ZNF845: variants seen among roughly 807,000 people sequenced by gnomAD.
ZNF845 encodes zinc finger protein 845.
In ZNF845, 59 loss-of-function variants were observed where a neutral mutation model predicts 76.1. That is an observed-to-expected ratio of 0.78 (90% CI 0.63 to 0.96). The LOEUF (loss-of-function observed/expected upper bound fraction) is 0.96, where lower values mean the gene tolerates loss of function less well. ZNF845 is among the 40% of genes least tolerant of loss of function. The pLI, the probability that ZNF845 is intolerant of heterozygous loss-of-function variation, is 0.00. For missense variants in ZNF845, 1,045 were observed against 1,172.8 expected, an observed-to-expected ratio of 0.89 and a Z score of 1.59; for synonymous variants, 361 against 386.9, an observed-to-expected ratio of 0.93 and a Z score of 0.78.
intron 3 of ZNF845, among the ~76,000 whole-genome samples, chr19:53,345,997 C>T (rs762673056): frequency 3.0e-4 from 46 of 152,126 alleles, no homozygotes; most frequent in Non-Finnish European, 6.3e-4. Flanking sequence ...GTGCCAACCC[C>T]CATACCTAAT....
intron 3 of ZNF845, among the ~76,000 whole-genome samples, chr19:53,347,858 T>G (rs756705253): frequency 1.3e-5 from 2 of 152,078 alleles, no homozygotes; most frequent in Non-Finnish European, 2.9e-5. Flanking sequence ...TTGAAACCAG[T>G]CTGGCCAACA....
At chr19:53,337,195 C>G in intron 1 of ZNF845, 2 of 454,626 alleles carry the variant, frequency 4.4e-6, no homozygotes, top group Non-Finnish European at 8.8e-6. Flanking sequence ...AGGTTGCTGT[C>G]CCTGCTCTTA....
In ZNF845 at chr19:53,345,020, T is replaced by C. The variant is rs551588771; in HGVS notation, c.16-486T>C. On this transcript the variant is annotated intron_variant, in intron 2 of 3. Coordinates refer to ENST00000458035, the MANE Select transcript of ZNF845 (RefSeq NM_138374.3). Reference sequence around the variant, plus strand: ...CATACTGAGAGGGTATTGTGACCTCTTCAAAAGGTATAAGAAGGCCGGTGT... The same window carrying C: ...CATACTGAGAGGGTATTGTGACCTCCTCAAAAGGTATAAGAAGGCCGGTGT... 2.0e-5 allele frequency among the ~76,000 whole-genome samples: 3 copies of C among 152,232 alleles called. No homozygotes were observed. In the East Asian group the frequency reaches 5.8e-4, roughly 29 times the overall value.
intron 1 of ZNF845, among the ~76,000 whole-genome samples, chr19:53,335,765 G>A (rs1382822098): frequency 6.6e-6 from 1 of 152,086 alleles, no homozygotes; most frequent in African/African-American, 2.4e-5. Flanking sequence ...ACTGCATCCA[G>A]CTAATTTTGT....
At chr19:53,350,380 C>CA (rs1209027867) in intron 3 of ZNF845, among the ~76,000 whole-genome samples, 1 of 152,194 alleles carries the variant, frequency 6.6e-6, no homozygotes, top group Admixed American at 6.5e-5. Flanking sequence ...GTTATCCTTA[C>CA]ATGAGCTTGT....
rs1276232094 is a variant in ZNF845 at position 53,351,805 on chromosome 19, A to C, written c.1130A>C (p.His377Pro). Reference protein sequence around the residue: ...KSNLERHRKIHTGEKPYKCNE... With the variant: ...KSNLERHRKIPTGEKPYKCNE... ...AACCTTGAAAGACATAGGAAAATTC[A>C]TACTGGAGAGAAACCTTACAAGTGT... Residue 377 changes from histidine to proline, a missense_variant, in exon 4 of 4, where the codon CAT becomes CCT. By Grantham distance (77) the His-to-Pro change is moderately conservative. Coordinates refer to ENST00000458035, the MANE Select transcript of ZNF845 (RefSeq NM_138374.3). The C allele has an allele frequency of 6.2e-7, 1 of 1,613,854 alleles. No homozygotes were observed. The highest frequency in any genetic ancestry group is 1.3e-5 in the African/African-American group (1 of 74,842).
At position 53,353,661 on chromosome 19, in the gene ZNF845, GAA is replaced by G. The variant is rs1467231067; in HGVS notation, c.*75_*76del. ...AAGACAGGAGAATTCATACTGGAGAGAAAGCTTACAAATGTAAGAGTTTGTGA... is the reference window on the plus strand; with the variant it reads ...AAGACAGGAGAATTCATACTGGAGAGAGCTTACAAATGTAAGAGTTTGTGA... On this transcript the variant is annotated 3_prime_UTR_variant, in exon 4 of 4. Transcript: ENST00000458035. 1.3e-6 allele frequency: 2 copies of G among 1,519,304 alleles called. No individual in the cohort carries two copies. The highest frequency in any genetic ancestry group is 4.5e-5 in the Admixed American group (2 of 44,300). The allele number at this position is 1,519,304 out of a possible 1,614,324, so 94.1% of individuals were successfully genotyped here.
chr19:53,349,325 C>T (rs1159354649), intron 3 of ZNF845, among the ~76,000 whole-genome samples: 1 of 151,010 alleles, frequency 6.6e-6, no homozygotes, highest in African/African-American at 2.4e-5. Flanking sequence ...GACAGAGTGG[C>T]GCGATCTCGG....
chr19:53,338,768 C>T (rs563465642), intron 1 of ZNF845, among the ~76,000 whole-genome samples: 4 of 151,772 alleles, frequency 2.6e-5, no homozygotes, highest in East Asian at 3.9e-4. Context: ...GCTGGGGAGT[C>T]GAAGGTCAAG....
rs781338177 is a variant in ZNF845, at chr19:53,352,145, T to C, written c.1470T>C (p.Thr490=). The C allele has an allele frequency of 1.2e-6, 2 of 1,614,102 alleles. No homozygotes were observed. Among genetic ancestry groups the C allele is most frequent in the East Asian group, 4.5e-5 (2 of 44,866 alleles). ...SSLVYHRRLH[T]GEKPYKCEEC... is the part of the protein sequence containing the mutation. ...TTGTATACCATCGTAGACTTCATAC[T>C]GGAGAGAAACCTTACAAATGTGAAG... Residue 490 remains threonine (T), a synonymous_variant, in exon 4 of 4, where the codon ACT becomes ACC. Coordinates refer to ENST00000458035, the MANE Select transcript of ZNF845 (RefSeq NM_138374.3).
chr19:53,353,702 C>T lies in ZNF845; in HGVS notation c.*114C>T, dbSNP rs919840360. ...AAGAGTTTGTGACAAGAATCTTGGG[C>T]GTGATTCACACCTGGCCCAACAAAC... On this transcript the variant is annotated 3_prime_UTR_variant, in exon 4 of 4. Coordinates refer to ENST00000458035, the MANE Select transcript of ZNF845 (RefSeq NM_138374.3). The T allele has an allele frequency of 1.9e-5, 29 of 1,521,964 alleles. No individual in the cohort carries two copies. Among genetic ancestry groups the T allele is most frequent in the African/African-American group, 7.0e-5 (5 of 71,660 alleles). 94.3% of individuals were successfully genotyped at this position (1,521,964 alleles called of 1,614,324 possible).
intron 1 of ZNF845, among the ~76,000 whole-genome samples, chr19:53,334,091 A>AAAAT (rs1354041954): frequency 6.6e-6 from 1 of 152,046 alleles, no homozygotes; most frequent in Admixed American, 6.5e-5. Flanking sequence ...TAAAGTCCTT[A>AAAAT]CCGCGAGGCG....
chr19:53,352,452 A>G lies in ZNF845; in HGVS notation c.1777A>G (p.Thr593Ala). Residue 593 changes from threonine to alanine, a missense_variant, in exon 4 of 4, where the codon ACC becomes GCC. Coordinates refer to ENST00000458035, the MANE Select transcript of ZNF845 (RefSeq NM_138374.3). ...DCHQVFSNAT[T>A]IANHWRIHNE... ...TCACCAAGTCTTTAGTAATGCTACA[A>G]CCATTGCAAATCATTGGAGAATCCA... is the stretch of plus-strand genomic sequence containing the variant. 1.2e-6 allele frequency: 2 copies of G among 1,613,784 alleles called. No homozygotes were observed. The highest frequency in any genetic ancestry group is 1.1e-5 in the South Asian group (1 of 91,058).
chr19:53,335,275 G>T (rs2085205247), intron 1 of ZNF845, among the ~76,000 whole-genome samples: 1 of 152,002 alleles, frequency 6.6e-6, no homozygotes, highest in Admixed American at 6.6e-5. Context: ...TTAATTTATA[G>T]TTTGAGACAG....
At chr19:53,348,001 C>T (rs1426770258) in intron 3 of ZNF845, among the ~76,000 whole-genome samples, 2 of 152,214 alleles carry the variant, frequency 1.3e-5, no homozygotes, top group African/African-American at 4.8e-5. Flanking sequence ...GCCACCCTGG[C>T]CAACGCGGTG....
At chr19:53,343,130 T>C (rs891081911) in intron 2 of ZNF845, among the ~76,000 whole-genome samples, 1 of 152,246 alleles carries the variant, frequency 6.6e-6, no homozygotes, top group South Asian at 2.1e-4. Flanking sequence ...CCAATAGTTA[T>C]TTTCTTCTAG....
rs2085372404 is a variant in ZNF845, at chr19:53,354,735, A to T, written c.*1147A>T. On this transcript the variant is annotated 3_prime_UTR_variant, in exon 4 of 4. Coordinates refer to ENST00000458035, the MANE Select transcript of ZNF845 (RefSeq NM_138374.3). ...AGTATTAAGTTTCATAGCAAATTGA[A>T]GTGTGTTCATAAGTTTCTTTAAACA... 6.6e-6 allele frequency: 1 copy of T among 152,230 alleles called. No individual in the cohort carries two copies. The highest frequency in any genetic ancestry group is 6.5e-5 in the Admixed American group (1 of 15,282). The allele number at this position is 152,230 out of a possible 1,614,324, so 9.4% of individuals were successfully genotyped here.
chr19:53,334,745 C>CAA (rs376494549), intron 1 of ZNF845, among the ~76,000 whole-genome samples: 20,083 of 141,228 alleles, frequency 0.14, 1,507 homozygotes, highest in Non-Finnish European at 0.15. Flanking sequence ...CCATCTCTGT[C>CAA]AAAAAAAAAA....
Position 53,351,763 on chromosome 19 carries a change from C to T in ZNF845, c.1088C>T (p.Ala363Val). The change falls in exon 4 of 4, where the codon GCT (alanine) becomes GTT (valine). Residue 363 changes from alanine to valine, a missense_variant. Physicochemically the swap from Ala to Val is moderately conservative, Grantham distance 64. Transcript: ENST00000458035. The stretch of plus-strand genomic sequence containing the variant: ...TACAAATGTGAAGAATGTGACAAAG[C>T]TTTCAGTTTCAAATCAAACCTTGAA... ...KPYKCEECDK[A>V]FSFKSNLERH... 2 of 1,613,958 alleles carry T rather than the reference C, an allele frequency of 1.2e-6. No homozygotes were observed. The highest frequency in any genetic ancestry group is 1.7e-6 in the Non-Finnish European group (2 of 1,179,966).
Sources: allele counts gnomAD v4.1 joint callset (sites outside exome capture counted in the v4.1 genomes callset), GRCh38; gene constraint gnomAD v4.1.1; transcripts MANE v1.5; gene names NCBI Gene and HGNC (gene_info 2026-07-23, HGNC 2026-07-21).